Variants in CPPED1 observed in about 807,000 individuals in gnomAD.
The protein encoded by CPPED1 is calcineurin like phosphoesterase domain containing 1.
A neutral mutation model predicts 28.0 loss-of-function variants in CPPED1; 28 were observed. The ratio of observed to expected loss-of-function variants is 1.00; its 90% confidence interval spans 0.74 to 1.37. The LOEUF (loss-of-function observed/expected upper bound fraction) is 1.37. Among genes scored for constraint, CPPED1 ranks in the 40% most tolerant of loss-of-function variants. The pLI is 0.00. For missense variants in CPPED1, 504 were observed against 416.5 expected, an observed-to-expected ratio of 1.21 and a Z score of -1.83; for synonymous variants, 198 against 180.2, an observed-to-expected ratio of 1.10 and a Z score of -0.79.
chr16:12,724,824 T>C (rs1157931994), intron 2 of CPPED1, among the ~76,000 whole-genome samples: 1 of 152,182 alleles, frequency 6.6e-6, no homozygotes, highest in Non-Finnish European at 1.5e-5. Context: ...TGTCACTCTG[T>C]CACCCAGACT....
intron 2 of CPPED1, among the ~76,000 whole-genome samples, chr16:12,765,906 C>T (rs1324383149): frequency 1.3e-5 from 2 of 152,106 alleles, no homozygotes; most frequent in African/African-American, 2.4e-5. Context: ...AATTGAACCC[C>T]TTTGGGATCA....
intron 2 of CPPED1, among the ~76,000 whole-genome samples, chr16:12,736,242 T>A (rs1426250507): frequency 6.6e-6 from 1 of 151,528 alleles, no homozygotes; most frequent in Non-Finnish European, 1.5e-5. Context: ...GTTAAACACC[T>A]TTGGATTTTT....
In CPPED1 at chr16:12,661,599, G is replaced by C. The variant is rs2079794937; in HGVS notation, c.*3287C>G. 1 of 152,168 alleles carries C rather than the reference G, an allele frequency of 6.6e-6. No individual in the cohort carries two copies. Among genetic ancestry groups the C allele is most frequent in the African/African-American group, 2.4e-5 (1 of 41,436 alleles). The allele number at this position is 152,168 out of a possible 1,614,324, so 9.4% of individuals were successfully genotyped here. On this transcript the variant is annotated 3_prime_UTR_variant, in exon 4 of 4. Transcript: ENST00000381774. ...TTTTGTTTTTTCCTCCAATTAAAGT[G>C]ATTAATTGGAAAGGGGAGCATTAGG...
At chr16:12,707,020 G>A (rs1230280265) in intron 2 of CPPED1, among the ~76,000 whole-genome samples, 1 of 152,188 alleles carries the variant, frequency 6.6e-6, no homozygotes, top group Non-Finnish European at 1.5e-5. Flanking sequence ...GCCATTGATT[G>A]ACATTGCTTC....
chr16:12,798,287 C>G (rs1016966660), intron 1 of CPPED1, among the ~76,000 whole-genome samples: 4 of 152,194 alleles, frequency 2.6e-5, no homozygotes, highest in African/African-American at 7.2e-5. Context: ...CAGGAACTCT[C>G]AAATAAGAGG....
intron 2 of CPPED1, among the ~76,000 whole-genome samples, chr16:12,710,478 A>G (rs1451981454): frequency 6.6e-6 from 1 of 151,372 alleles, no homozygotes; most frequent in Admixed American, 6.6e-5. Flanking sequence ...GGAGGGGGGG[A>G]ACAGACAAAT....
chr16:12,683,112 G>C (rs796774018), intron 3 of CPPED1, among the ~76,000 whole-genome samples: 5 of 152,306 alleles, frequency 3.3e-5, no homozygotes, highest in African/African-American at 1.2e-4. Context: ...CCCTGCCTCT[G>C]ACTTGAGCCA....
intron 2 of CPPED1, among the ~76,000 whole-genome samples, chr16:12,779,231 C>G (rs2080515421): frequency 6.6e-6 from 1 of 151,948 alleles, no homozygotes; most frequent in African/African-American, 2.4e-5. Context: ...CTTCTTTTTT[C>G]TTAGAGACAG....
At chr16:12,773,412 T>C (rs2080480642) in intron 2 of CPPED1, among the ~76,000 whole-genome samples, 1 of 152,314 alleles carries the variant, frequency 6.6e-6, no homozygotes, top group Non-Finnish European at 1.5e-5. Context: ...CACACAAGAT[T>C]ACATTTAATA....
intron 2 of CPPED1, among the ~76,000 whole-genome samples, chr16:12,734,392 T>G (rs2141207343): frequency 6.6e-6 from 1 of 150,962 alleles, no homozygotes; most frequent in African/African-American, 2.4e-5. Flanking sequence ...TTTTTTTTTG[T>G]TTTTGAGACG....
At chr16:12,677,965 T>C (rs2079886348) in intron 3 of CPPED1, among the ~76,000 whole-genome samples, 1 of 152,214 alleles carries the variant, frequency 6.6e-6, no homozygotes. Flanking sequence ...ATAGAAAGTA[T>C]ATAAGCTTGT....
Position 12,760,195 on chromosome 16 carries a change from T to C in CPPED1, c.289+20990A>G, listed in dbSNP as rs368287012. On this transcript the variant is annotated intron_variant, in intron 2 of 3. Coordinates refer to ENST00000381774, the MANE Select transcript of CPPED1 (RefSeq NM_018340.3). ...CACTGTATTGGGTACAGGTAATCTATAGATGATTTAGAGTATACAGGAGAG... is the reference window on the plus strand; with the variant it reads ...CACTGTATTGGGTACAGGTAATCTACAGATGATTTAGAGTATACAGGAGAG... 2.2e-4 allele frequency among the ~76,000 whole-genome samples: 34 copies of C among 152,314 alleles called. 1 individual carries two copies. In the East Asian group the frequency reaches 5.2e-3, roughly 23 times the overall value.
intron 2 of CPPED1, among the ~76,000 whole-genome samples, chr16:12,774,761 ATGAG>A (rs1374935664): frequency 9.9e-5 from 15 of 152,090 alleles, no homozygotes; most frequent in Non-Finnish European, 2.9e-5. Context: ...TAATGAATGA[ATGAG>A]TTAGTGGATT....
chr16:12,737,768 C>T (rs562088156), intron 2 of CPPED1, among the ~76,000 whole-genome samples: 5 of 152,138 alleles, frequency 3.3e-5, no homozygotes, highest in Admixed American at 6.6e-5. Context: ...GCTCTGAGGT[C>T]GCCAGAGTGG....
At chr16:12,767,689 TG>T (rs2080447279) in intron 2 of CPPED1, among the ~76,000 whole-genome samples, 2 of 152,198 alleles carry the variant, frequency 1.3e-5, no homozygotes, top group African/African-American at 4.8e-5. Context: ...TGGGGTGCAG[TG>T]GCTCATGCCT....
At chr16:12,773,828 C>T (rs1162913841) in intron 2 of CPPED1, among the ~76,000 whole-genome samples, 1 of 152,206 alleles carries the variant, frequency 6.6e-6, no homozygotes, top group African/African-American at 2.4e-5. Flanking sequence ...CACCGCGATT[C>T]CTGACTCTCA....
intron 2 of CPPED1, among the ~76,000 whole-genome samples, chr16:12,733,740 G>A (rs1049114279): frequency 1.3e-5 from 2 of 152,148 alleles, no homozygotes; most frequent in Non-Finnish European, 2.9e-5. Flanking sequence ...TAGAACAATG[G>A]AAGTGAATAT....
At chr16:12,732,899 G>A (rs1460670035) in intron 2 of CPPED1, among the ~76,000 whole-genome samples, 1 of 152,138 alleles carries the variant, frequency 6.6e-6, no homozygotes, top group Non-Finnish European at 1.5e-5. Context: ...GGAGGCAAAG[G>A]TAGATCCAAC....
intron 2 of CPPED1, among the ~76,000 whole-genome samples, chr16:12,761,808 C>A (rs975943644): frequency 6.6e-6 from 1 of 152,066 alleles, no homozygotes; most frequent in Non-Finnish European, 1.5e-5. Flanking sequence ...ATCAGGAGTT[C>A]GAGACCAGCT....
Sources: gnomAD v4.1 joint callset for allele counts (sites outside exome capture counted in the v4.1 genomes callset) on GRCh38, gnomAD v4.1.1 for gene constraint, MANE v1.5 for transcripts, NCBI Gene and HGNC (gene_info 2026-07-23, HGNC 2026-07-21) for gene names.